Variants in MSH5 observed in about 807,000 individuals in gnomAD.
MSH5 encodes the protein mutS homolog 5, also known as mutS protein homolog 5.
In MSH5, 78 loss-of-function variants were observed where a neutral mutation model predicts 107.7. That is an observed-to-expected ratio of 0.72 (90% confidence interval 0.60 to 0.87). The LOEUF (loss-of-function observed/expected upper bound fraction) is 0.87. Among genes scored for constraint, MSH5 ranks in the 40% least tolerant of loss-of-function variants. The pLI, the probability that MSH5 is intolerant of heterozygous loss-of-function variation, is 0.00. For missense variants in MSH5, 889 were observed against 1,046.6 expected (o/e 0.85, Z 2.08); for synonymous variants, 326 against 399.5 (o/e 0.82, Z 2.19).
Position 31,740,196 on chromosome 6 carries a change from C to T in MSH5, c.-14+134C>T, listed in dbSNP as rs990199562. The stretch of plus-strand genomic sequence containing the variant: ...GACGTGCACGACTCGCCCCACAGGG[C>T]CCTCAGACCCCTTCCTTCCAAAGGG... On this transcript the variant is annotated intron_variant, in intron 1 of 24. Transcript: ENST00000375750. This position sits in a 1 kb window ranked among gnomAD's most constrained non-coding sequence, Gnocchi z 4.4. The T allele has an allele frequency of 3.9e-5, 15 of 387,036 alleles. No individual in the cohort carries two copies. Among genetic ancestry groups the T allele is most frequent in the Non-Finnish European group, 6.5e-5 (14 of 214,870 alleles). The allele number at this position is 387,036 out of a possible 1,614,324, so 24.0% of individuals were successfully genotyped here.
chr6:31,759,911 G>A lies in MSH5; in HGVS notation c.1621G>A (p.Asp541Asn). 1 of 1,614,208 alleles carries A rather than the reference G, an allele frequency of 6.2e-7. No individual in the cohort carries two copies. The highest frequency in any genetic ancestry group is 8.5e-7 in the Non-Finnish European group (1 of 1,180,026). The change falls in exon 18 of 25, where the codon GAC becomes AAC. Residue 541 changes from aspartate to asparagine, a missense_variant. By Grantham distance (23) the Asp-to-Asn change is conservative. Transcript: ENST00000375750. This position sits in a 1 kb window ranked among gnomAD's most constrained non-coding sequence, Gnocchi z 4.7. ...VLLALASAAR[D>N]YGYSRPRYSP... ...GCTGGCTCTTGCCAGTGCTGCCCGG[G>A]ACTATGGCTACTCAAGGCCGCGTTA...
In MSH5 at chr6:31,744,037, C is replaced by T. The variant is rs753781674; in HGVS notation, c.537+12C>T. 1 of 1,613,884 alleles carries T rather than the reference C, an allele frequency of 6.2e-7. No individual in the cohort carries two copies. The highest frequency in any genetic ancestry group is 1.7e-5 in the Admixed American group (1 of 59,988). ...ACTGCCTCCTCACAGTGAGATTGGT[C>T]CTGGGGGATAAGGGCTGGGAGGCGG... is the stretch of plus-strand genomic sequence containing the variant. On this transcript the variant is annotated intron_variant, in intron 6 of 24. Transcript: ENST00000375750.
Position 31,744,543 on chromosome 6 carries a change from C to T in MSH5, c.648-3C>T. The T allele has an allele frequency of 6.2e-7, 1 of 1,613,372 alleles. No individual in the cohort carries two copies. On this transcript the variant is annotated splice_polypyrimidine_tract_variant and splice_region_variant and intron_variant, in intron 7 of 24. Coordinates refer to ENST00000375750, the MANE Select transcript of MSH5 (RefSeq NM_172166.4). ...TTCCTGCTTTTTTGTTTTCTGTCCT[C>T]AGGACTCATCTGGTGAACATAGATC...
At chr6:31,742,468 G>A (rs28381352) in intron 3 of MSH5, among the ~76,000 whole-genome samples, 3,382 of 152,278 alleles carry the variant, frequency 0.022, 86 homozygotes, top group African/African-American at 0.064. Context: ...ACGTTGGCTA[G>A]GCTTGTCTTG....
intron 10 of MSH5, among the ~76,000 whole-genome samples, chr6:31,749,776 T>C (rs1206421350): frequency 1.3e-5 from 2 of 152,186 alleles, no homozygotes; most frequent in East Asian, 3.8e-4. Flanking sequence ...GTCTGACACA[T>C]GGTCTTGTAC....
intron 9 of MSH5, among the ~76,000 whole-genome samples, 155 bp downstream of exon 9, chr6:31,745,474 C>G (rs1426820306): frequency 6.6e-6 from 1 of 152,018 alleles, no homozygotes. Flanking sequence ...GTACCCCCCG[C>G]CCCCCAAGCT....
In MSH5 at chr6:31,758,008, G is replaced by A; in HGVS notation, c.1015-157G>A. ...AATTGTCTTTGTAGTTTCAGTGTTT[G>A]GTACAGTGCCTCTCACTGTTTCTTT... On this transcript the variant is annotated intron_variant, in intron 12 of 24. Transcript: ENST00000375750. This position sits in a 1 kb window ranked among gnomAD's most constrained non-coding sequence, Gnocchi z 5.1. 1.2e-6 allele frequency: 1 copy of A among 830,028 alleles called. No homozygotes were observed. The highest frequency in any genetic ancestry group is 1.9e-6 in the Non-Finnish European group (1 of 530,706). The allele number at this position is 830,028 out of a possible 1,614,324, so 51.4% of individuals were successfully genotyped here.
rs966796074 is a variant in MSH5 at position 31,759,960 on chromosome 6, G to A, written c.1670G>A (p.Arg557Gln). The change falls in exon 18 of 25, where the codon CGA becomes CAA. Residue 557 changes from arginine to glutamine, a missense_variant. By Grantham distance (43) the Arg-to-Gln change is conservative (BLOSUM62 1). This residue lies in a region of MSH5 where 362 missense variants were observed against 456.2 expected (regional missense o/e 0.79). Coordinates refer to ENST00000375750, the MANE Select transcript of MSH5 (RefSeq NM_172166.4). The surrounding 1 kb of genome is among the most constrained non-coding windows in gnomAD (Gnocchi z 4.7). The stretch of plus-strand genomic sequence containing the variant: ...TACTCCCCACAAGTCCTTGGGGTAC[G>A]AATCCAGAATGGCAGGTAAGAATAG... ...PRYSPQVLGVRIQNGRHPLME... is the reference protein window; with the variant it reads ...PRYSPQVLGVQIQNGRHPLME... 9 of 1,614,164 alleles carry A rather than the reference G, an allele frequency of 5.6e-6. No individual in the cohort carries two copies. The highest frequency in any genetic ancestry group is 1.1e-5 in the South Asian group (1 of 91,080).
Position 31,745,427 on chromosome 6 carries a change from T to G in MSH5, c.766+108T>G, listed in dbSNP as rs889147047. On this transcript the variant is annotated intron_variant, in intron 9 of 24. Coordinates refer to ENST00000375750, the MANE Select transcript of MSH5 (RefSeq NM_172166.4). Reference sequence around the variant, plus strand: ...TTCCCACTTCACTCCCATTGTCAGATATCTCTTTCATGCCAATCCAAATTT... The same window carrying G: ...TTCCCACTTCACTCCCATTGTCAGAGATCTCTTTCATGCCAATCCAAATTT... 3.0e-5 allele frequency: 23 copies of G among 764,016 alleles called. 1 individual carries two copies. Among genetic ancestry groups the G allele is most frequent in the South Asian group, 1.7e-4 (11 of 63,742 alleles). The allele number at this position is 764,016 out of a possible 1,614,324, so 47.3% of individuals were successfully genotyped here. A position where few individuals can be genotyped will look rare whatever the true frequency, so the allele number is the denominator to read the frequency against.
intron 10 of MSH5, chr6:31,751,779 A>G (rs1174621853): frequency 6.6e-6 from 1 of 152,228 alleles, no homozygotes; most frequent in Non-Finnish European, 1.5e-5. Flanking sequence ...ACATAGCAAG[A>G]CCTCGTCTCT....
In MSH5 at chr6:31,761,414, G is replaced by C. The variant is rs1283196207; in HGVS notation, c.2038-58G>C. 5 of 1,608,222 alleles carry C rather than the reference G, an allele frequency of 3.1e-6. No individual in the cohort carries two copies. The African/African-American group carries it at 4.0e-5, about 13-fold the overall frequency. ...CGAGACAGGGAAAGGCAGTGCAAGT[G>C]CAGAGGGGCATATGGGGTCCCCATG... On this transcript the variant is annotated intron_variant, in intron 21 of 24. Coordinates refer to ENST00000375750, the MANE Select transcript of MSH5 (RefSeq NM_172166.4). This position sits in a 1 kb window ranked among gnomAD's most constrained non-coding sequence, Gnocchi z 5.3.
intron 10 of MSH5, among the ~76,000 whole-genome samples, chr6:31,748,916 CTTTTT>C (rs9279407): frequency 4.6e-5 from 5 of 109,506 alleles, no homozygotes; most frequent in Non-Finnish European, 3.8e-5. Context: ...TCTGGAAAGT[CTTTTT>C]TTTTTTTTTT....
chr6:31,762,381 C>T (rs1415295713), intron 24 of MSH5, 39 bp from the exon 25 acceptor site: 7 of 1,487,162 alleles, frequency 4.7e-6, no homozygotes, highest in African/African-American at 1.4e-5. Context: ...TTTGGTTGTC[C>T]ATTCTGCCAT....
intron 12 of MSH5, chr6:31,753,875 G>A (rs1453931279): frequency 6.8e-6 from 3 of 440,338 alleles, no homozygotes; most frequent in East Asian, 3.9e-5. Context: ...ACAAGCGCCC[G>A]CCACCATGCC....
Position 31,743,956 on chromosome 6 carries a change from A to G in MSH5, c.468A>G (p.Pro156=). 6.2e-7 allele frequency: 1 copy of G among 1,613,836 alleles called. No individual in the cohort carries two copies. Among genetic ancestry groups the G allele is most frequent in the Non-Finnish European group, 8.5e-7 (1 of 1,180,042 alleles). ...RLLSGNYSFI[P]DAMTATEKIL... ...TTTCTGGAAACTACTCCTTCATCCC[A>G]GACGCCATGACTGCCACTGAGAAAA... is the stretch of plus-strand genomic sequence containing the variant. The change falls in exon 6 of 25, where the codon CCA becomes CCG. Residue 156 remains proline (P), a synonymous_variant. Coordinates refer to ENST00000375750, the MANE Select transcript of MSH5 (RefSeq NM_172166.4).
chr6:31,755,470 C>G (rs1810372355), intron 12 of MSH5, among the ~76,000 whole-genome samples: 1 of 152,008 alleles, frequency 6.6e-6, no homozygotes, highest in African/African-American at 2.4e-5. Context: ...TCAAGTGATT[C>G]TCTTGCCTCA....
Position 31,759,134 on chromosome 6 carries a change from T to C in MSH5, c.1364T>C (p.Met455Thr). 6.2e-7 allele frequency: 1 copy of C among 1,612,968 alleles called. No homozygotes were observed. The change falls in exon 16 of 25, where the codon ATG becomes ACG. Residue 455 changes from methionine to threonine, a missense_variant. Transcript: ENST00000375750. This position sits in a 1 kb window ranked among gnomAD's most constrained non-coding sequence, Gnocchi z 4.7. ...FLLSIPRLPS[M>T]VEASDFEING... Reference sequence around the variant, plus strand: ...CTTTCTATTCCCCGCCTGCCTTCCATGGTAGAGGCCAGTGACTTTGAGATT... The same window carrying C: ...CTTTCTATTCCCCGCCTGCCTTCCACGGTAGAGGCCAGTGACTTTGAGATT...
rs957997862 is a variant in MSH5 at position 31,759,748 on chromosome 6, G to A, written c.1496-38G>A. 5.6e-6 allele frequency: 9 copies of A among 1,604,160 alleles called. No individual in the cohort carries two copies. Among genetic ancestry groups the A allele is most frequent in the Non-Finnish European group, 7.6e-6 (9 of 1,176,690 alleles). On this transcript the variant is annotated intron_variant, in intron 17 of 24. Coordinates refer to ENST00000375750, the MANE Select transcript of MSH5 (RefSeq NM_172166.4). The surrounding 1 kb of genome is among the most constrained non-coding windows in gnomAD (Gnocchi z 4.7). Reference sequence around the variant, plus strand: ...CTCTGCCTCTCCTTCACTTTCCCCTGGAACTGACCTCCAGCTCCCTTCCTC... The same window carrying A: ...CTCTGCCTCTCCTTCACTTTCCCCTAGAACTGACCTCCAGCTCCCTTCCTC...
intron 10 of MSH5, among the ~76,000 whole-genome samples, chr6:31,752,426 G>A (rs1250087186): frequency 6.9e-6 from 1 of 145,744 alleles, no homozygotes; most frequent in Non-Finnish European, 1.5e-5. Context: ...TAAAAAAAAA[G>A]AATAAGACAC....
Sources: allele counts gnomAD v4.1 joint callset (sites outside exome capture counted in the v4.1 genomes callset), GRCh38; gene constraint gnomAD v4.1.1; regional missense constraint gnomAD v4.1.1; non-coding constraint Gnocchi (gnomAD v3.1); transcripts MANE v1.5; gene names NCBI Gene and HGNC (gene_info 2026-07-23, HGNC 2026-07-21).